LRRC49: variants seen among roughly 807,000 people sequenced by gnomAD.
LRRC49 encodes leucine rich repeat containing 49.
In LRRC49, 50 loss-of-function variants were observed where a neutral mutation model predicts 83.3. That is an observed-to-expected ratio of 0.60 (90% CI 0.48 to 0.76). The LOEUF is 0.76. LRRC49 is among the 30% of genes least tolerant of loss of function. LRRC49 has a pLI of 0.00. For missense variants in LRRC49, 704 were observed against 809.1 expected (o/e 0.87, Z 1.58); for synonymous variants, 286 against 283.3 (o/e 1.01, Z -0.10).
At chr15:70,860,510 G>T (rs545059640) in intron 1 of LRRC49, among the ~76,000 whole-genome samples, 27 of 152,250 alleles carry the variant, frequency 1.8e-4, no homozygotes, top group African/African-American at 2.4e-4. Context: ...AAACTCCTGG[G>T]CTCAAGCTAT....
chr15:70,854,963 T>G (rs1044173869), intron 1 of LRRC49, among the ~76,000 whole-genome samples: 28 of 152,164 alleles, frequency 1.8e-4, no homozygotes, highest in African/African-American at 5.8e-4. Flanking sequence ...ACTGCCACCT[T>G]TTCACGTGTA....
intron 1 of LRRC49, among the ~76,000 whole-genome samples, chr15:70,863,697 G>A (rs1021099359): frequency 7.2e-5 from 11 of 152,190 alleles, no homozygotes; most frequent in Admixed American, 4.6e-4. Context: ...ACAGAGTAGC[G>A]TCTGATATGT....
intron 9 of LRRC49, among the ~76,000 whole-genome samples, chr15:70,971,486 A>G (rs1270031460): frequency 1.3e-5 from 2 of 152,188 alleles, no homozygotes; most frequent in Admixed American, 1.3e-4. Flanking sequence ...TATTAGGTCC[A>G]CATGCTCCAG....
chr15:70,970,486 A>G (rs2036955834), intron 9 of LRRC49, among the ~76,000 whole-genome samples: 1 of 152,160 alleles, frequency 6.6e-6, no homozygotes, highest in African/African-American at 2.4e-5. Flanking sequence ...TATCAGGATG[A>G]TGCTGGCCTC....
At chr15:70,977,693 CT>C (rs2037255825) in intron 9 of LRRC49, among the ~76,000 whole-genome samples, 1 of 152,076 alleles carries the variant, frequency 6.6e-6, no homozygotes, top group South Asian at 2.1e-4. Flanking sequence ...GTAAAAGACA[CT>C]TTAAATTCAC....
intron 8 of LRRC49, among the ~76,000 whole-genome samples, chr15:70,938,546 G>GA (rs776659331): frequency 1.3e-5 from 2 of 152,032 alleles, no homozygotes; most frequent in Non-Finnish European, 1.5e-5. Context: ...GTGGTATAGT[G>GA]AATATATTGG....
At position 70,882,460 on chromosome 15, in the gene LRRC49, T is replaced by C. The variant is rs145846479; in HGVS notation, c.18+9237T>C. The C allele has an allele frequency of 8.6e-5, 139 of 1,608,160 alleles. No homozygotes were observed. The African/African-American group carries it at 1.8e-3, about 20-fold the overall frequency. On this transcript the variant is annotated intron_variant, in intron 2 of 16. Transcript: ENST00000544974. ...AGCATTTGATGTTGAGTTTTTAACA[T>C]GTTTCTTCTTTCACCTGTACAGCCA...
At chr15:71,037,499 G>A (rs1567111826) in intron 15 of LRRC49, among the ~76,000 whole-genome samples, 167 bp downstream of exon 15, 2 of 151,998 alleles carry the variant, frequency 1.3e-5, no homozygotes, top group South Asian at 2.1e-4. Context: ...GGCAATTAGG[G>A]AGAAATAGAG....
chr15:71,020,931 T>C (rs985330649), intron 14 of LRRC49, among the ~76,000 whole-genome samples: 1 of 152,192 alleles, frequency 6.6e-6, no homozygotes, highest in Non-Finnish European at 1.5e-5. Context: ...TAAATGAACA[T>C]TGACCATATA....
At chr15:70,860,959 C>T (rs1305900998) in intron 1 of LRRC49, among the ~76,000 whole-genome samples, 2 of 152,178 alleles carry the variant, frequency 1.3e-5, no homozygotes, top group African/African-American at 2.4e-5. Flanking sequence ...TTCCTCTACC[C>T]ATTGGCTAAA....
chr15:70,880,199 G>A (rs915545533), intron 2 of LRRC49, among the ~76,000 whole-genome samples: 1 of 152,090 alleles, frequency 6.6e-6, no homozygotes, highest in Non-Finnish European at 1.5e-5. Context: ...TCCTCAGAGA[G>A]GTCTTTTCTG....
intron 8 of LRRC49, among the ~76,000 whole-genome samples, chr15:70,942,277 A>G (rs994002089): frequency 6.6e-6 from 1 of 152,172 alleles, no homozygotes; most frequent in African/African-American, 2.4e-5. Flanking sequence ...ATTCACGTGA[A>G]GGTTCTAAAA....
Position 71,042,102 on chromosome 15 carries a change from C to G in LRRC49, c.1857+4770C>G, listed in dbSNP as rs568633181. 6.7e-4 allele frequency among the ~76,000 whole-genome samples: 102 copies of G among 152,176 alleles called. 1 individual carries two copies. The South Asian group carries it at 0.02, about 30-fold the overall frequency. ...TGGGTTGGCTATGATTTTTTAACACCATAGATGCACAAACTATAAAGGAAA... is the reference window on the plus strand; with the variant it reads ...TGGGTTGGCTATGATTTTTTAACACGATAGATGCACAAACTATAAAGGAAA... On this transcript the variant is annotated intron_variant, in intron 15 of 15. Transcript: ENST00000260382.
chr15:71,030,632 C>G (rs1432215390), intron 14 of LRRC49, among the ~76,000 whole-genome samples: 2 of 152,148 alleles, frequency 1.3e-5, no homozygotes, highest in Non-Finnish European at 2.9e-5. Context: ...GTTCCATTCA[C>G]TCCTTCACTT....
chr15:71,027,689 A>T (rs2039219804), intron 14 of LRRC49, among the ~76,000 whole-genome samples: 1 of 151,978 alleles, frequency 6.6e-6, no homozygotes, highest in Admixed American at 6.6e-5. Flanking sequence ...TAGGTATTTT[A>T]TTCTCTTTGT....
At chr15:70,863,990 G>A (rs994813236) in intron 1 of LRRC49, among the ~76,000 whole-genome samples, 1 of 152,158 alleles carries the variant, frequency 6.6e-6, no homozygotes, top group African/African-American at 2.4e-5. Flanking sequence ...GTGCCTGGTG[G>A]ACACAGTTGT....
At chr15:70,881,533 G>A (rs1459134703) in intron 2 of LRRC49, 1 of 152,150 alleles carries the variant, frequency 6.6e-6, no homozygotes, top group Non-Finnish European at 1.5e-5. Flanking sequence ...GAAGATCAGA[G>A]TTATAGTATG....
chr15:70,978,759 A>T (rs2037296804), intron 9 of LRRC49, among the ~76,000 whole-genome samples: 1 of 152,150 alleles, frequency 6.6e-6, no homozygotes, highest in Admixed American at 6.5e-5. Context: ...GGCAAGAGGG[A>T]TAGCACCAGA....
At chr15:71,032,812 C>T (rs910850897) in intron 14 of LRRC49, among the ~76,000 whole-genome samples, 5 of 152,138 alleles carry the variant, frequency 3.3e-5, no homozygotes, top group Non-Finnish European at 7.4e-5. Context: ...AATTTGACAT[C>T]CCTTCATGTT....
Sources: allele counts gnomAD v4.1 joint callset (sites outside exome capture counted in the v4.1 genomes callset), GRCh38; gene constraint gnomAD v4.1.1; transcripts MANE v1.5; gene names NCBI Gene and HGNC (gene_info 2026-07-23, HGNC 2026-07-21).